PTPRD: variants seen among roughly 807,000 people sequenced by gnomAD.
PTPRD encodes protein tyrosine phosphatase receptor type D, also known as receptor-type tyrosine-protein phosphatase delta.
A neutral mutation model predicts 214.5 loss-of-function variants in PTPRD; 34 were observed. The observed-to-expected ratio is 0.16, with a 90% CI of 0.12 to 0.21. The LOEUF is 0.21. Ranked by LOEUF, PTPRD falls within the 10% of genes least tolerant of loss-of-function variation. The pLI is 1.00. For missense variants in PTPRD, 2,545 were observed against 2,398.7 expected (o/e 1.06, Z -1.27); for synonymous variants, 1,128 against 845.7 (o/e 1.33, Z -5.79).
intron 5 of PTPRD, among the ~76,000 whole-genome samples, chr9:9,818,869 T>C (rs1210767987): frequency 1.4e-5 from 2 of 141,592 alleles, no homozygotes; most frequent in South Asian, 2.2e-4. Flanking sequence ...TGAGCCAAGA[T>C]TGTGGCACTG....
At chr9:9,189,175 T>A (rs185603641) in intron 9 of PTPRD, among the ~76,000 whole-genome samples, 1 of 152,092 alleles carries the variant, frequency 6.6e-6, no homozygotes, top group Admixed American at 6.6e-5. Flanking sequence ...ATAAGGTAAT[T>A]ATTTTATGAT....
At position 8,678,935 on chromosome 9, in the gene PTPRD, A is replaced by C. The variant is rs138257090; in HGVS notation, c.65-42091T>G. 3.3e-4 allele frequency among the ~76,000 whole-genome samples: 51 copies of C among 152,342 alleles called. No individual in the cohort carries two copies. The East Asian group carries it at 3.7e-3, about 11-fold the overall frequency. Reference sequence around the variant, plus strand: ...TGGTAAAGAATAAAATGTTTCATGCAAATATGCATTAATAATACTGTGCCA... The same window carrying C: ...TGGTAAAGAATAAAATGTTTCATGCCAATATGCATTAATAATACTGTGCCA... On this transcript the variant is annotated intron_variant, in intron 12 of 45. Transcript: ENST00000381196.
At chr9:10,030,255 G>A (rs915855421) in intron 4 of PTPRD, among the ~76,000 whole-genome samples, 3 of 152,172 alleles carry the variant, frequency 2.0e-5, no homozygotes, top group South Asian at 2.1e-4. Flanking sequence ...AGGTGAGAAG[G>A]TGAGAAAGGA....
intron 7 of PTPRD, among the ~76,000 whole-genome samples, chr9:9,719,299 C>G (rs1169802569): frequency 6.6e-6 from 1 of 152,084 alleles, no homozygotes. Flanking sequence ...TCCACATAAC[C>G]TCATTCTTCT....
Position 9,673,539 on chromosome 9 carries a change from T to C in PTPRD, c.-287+60994A>G, listed in dbSNP as rs1477307671. On this transcript the variant is annotated intron_variant, in intron 7 of 45. Coordinates refer to ENST00000381196, the MANE Select transcript of PTPRD (RefSeq NM_002839.4). Reference sequence around the variant, plus strand: ...AAACTGGGAAATATTTCTGAAGAAATTACCCAAAAAGAAAAGATGAACACT... The same window carrying C: ...AAACTGGGAAATATTTCTGAAGAAACTACCCAAAAAGAAAAGATGAACACT... 5.9e-5 allele frequency among the ~76,000 whole-genome samples: 9 copies of C among 151,552 alleles called. No individual in the cohort carries two copies. The East Asian group carries it at 1.7e-3, about 29-fold the overall frequency.
At chr9:9,812,077 A>C (rs886335992) in intron 5 of PTPRD, among the ~76,000 whole-genome samples, 2 of 152,198 alleles carry the variant, frequency 1.3e-5, no homozygotes, top group African/African-American at 4.8e-5. Context: ...AACTCACTGA[A>C]GGCTCATATA....
At chr9:9,681,306 T>A (rs887654745) in intron 7 of PTPRD, among the ~76,000 whole-genome samples, 1 of 151,726 alleles carries the variant, frequency 6.6e-6, no homozygotes, top group Admixed American at 6.6e-5. Context: ...AACTCTGTGA[T>A]AAAATATGGA....
chr9:9,232,739 G>T (rs767010546), intron 9 of PTPRD, among the ~76,000 whole-genome samples: 2 of 151,970 alleles, frequency 1.3e-5, no homozygotes, highest in Non-Finnish European at 2.9e-5. Flanking sequence ...TCCAAAGTAT[G>T]GCACTATGAC....
At chr9:9,838,268 CT>C (rs1437129349) in intron 5 of PTPRD, among the ~76,000 whole-genome samples, 1 of 152,046 alleles carries the variant, frequency 6.6e-6, no homozygotes, top group Non-Finnish European at 1.5e-5. Context: ...ATTTGTAGTC[CT>C]TTGGGTATAT....
At chr9:9,473,156 TCTA>T (rs2094749863) in intron 8 of PTPRD, among the ~76,000 whole-genome samples, 4 of 152,162 alleles carry the variant, frequency 2.6e-5, no homozygotes, top group African/African-American at 7.2e-5. Flanking sequence ...TATCCACAAT[TCTA>T]CTCTCTACTT....
At chr9:9,621,904 G>C (rs553228867) in intron 7 of PTPRD, among the ~76,000 whole-genome samples, 2 of 152,082 alleles carry the variant, frequency 1.3e-5, no homozygotes, top group Non-Finnish European at 2.9e-5. Context: ...TATTCCTCTT[G>C]AAGGCTTCTA....
intron 12 of PTPRD, among the ~76,000 whole-genome samples, chr9:8,704,828 C>T (rs1415022578): frequency 2.0e-5 from 3 of 151,726 alleles, no homozygotes; most frequent in South Asian, 2.1e-4. Context: ...GACGCTGAGG[C>T]AGGAGAATCA....
At chr9:8,546,730 C>T (rs895456011) in intron 14 of PTPRD, among the ~76,000 whole-genome samples, 6 of 152,028 alleles carry the variant, frequency 3.9e-5, no homozygotes, top group African/African-American at 1.4e-4. Flanking sequence ...GAACTCCTGA[C>T]CTCAAGTGAT....
At chr9:9,853,352 G>GT (rs896730156) in intron 5 of PTPRD, among the ~76,000 whole-genome samples, 38 of 152,020 alleles carry the variant, frequency 2.5e-4, no homozygotes, top group African/African-American at 9.2e-4. Context: ...ATTCTTCTTG[G>GT]TTTTTTCTCA....
At chr9:8,971,576 T>C (rs990476720) in intron 11 of PTPRD, among the ~76,000 whole-genome samples, 1 of 151,700 alleles carries the variant, frequency 6.6e-6, no homozygotes, top group African/African-American at 2.4e-5. Flanking sequence ...TAAAGTTCAA[T>C]GAACATGATC....
intron 7 of PTPRD, among the ~76,000 whole-genome samples, chr9:9,686,934 G>T (rs995869688): frequency 7.9e-5 from 12 of 151,616 alleles, no homozygotes; most frequent in African/African-American, 2.9e-4. Context: ...TGGTGCTACA[G>T]GAAACAAAAA....
intron 5 of PTPRD, among the ~76,000 whole-genome samples, chr9:9,786,853 T>C (rs749333263): frequency 3.9e-5 from 6 of 152,102 alleles, no homozygotes; most frequent in Non-Finnish European, 8.8e-5. Context: ...ATATTTTTAC[T>C]TATAAAATTG....
intron 7 of PTPRD, among the ~76,000 whole-genome samples, chr9:9,662,239 C>A (rs1198494490): frequency 6.6e-6 from 1 of 151,558 alleles, no homozygotes; most frequent in African/African-American, 2.4e-5. Context: ...TATAAAGTAT[C>A]ATAACAAAAC....
intron 5 of PTPRD, among the ~76,000 whole-genome samples, chr9:9,827,866 C>T (rs921694742): frequency 6.6e-6 from 1 of 152,048 alleles, no homozygotes; most frequent in Non-Finnish European, 1.5e-5. Flanking sequence ...CACTTGTCAA[C>T]AGAAGACAAT....
Sources: gnomAD v4.1 joint callset for allele counts (sites outside exome capture counted in the v4.1 genomes callset) on GRCh38, gnomAD v4.1.1 for gene constraint, MANE v1.5 for transcripts, NCBI Gene and HGNC (gene_info 2026-07-23, HGNC 2026-07-21) for gene names.